LRBA: variants seen among roughly 807,000 people sequenced by gnomAD.
The protein encoded by LRBA is LPS responsive beige-like anchor protein.
A neutral mutation model predicts 330.0 loss-of-function variants in LRBA; 176 were observed. That is an observed-to-expected ratio of 0.53 (90% CI 0.47 to 0.60). The LOEUF (loss-of-function observed/expected upper bound fraction) is 0.60, where lower values mean the gene tolerates loss of function less well. LRBA is among the 20% of genes least tolerant of loss of function. The probability of loss-of-function intolerance (pLI) is 0.00; values close to 1 mark genes in which losing one functional copy is unlikely to be tolerated. For synonymous variants in LRBA, 1,230 were observed against 1,193.0 expected (o/e 1.03, Z -0.64); for missense variants, 3,259 against 3,444.8 (o/e 0.95, Z 1.35).
intron 36 of LRBA, among the ~76,000 whole-genome samples, chr4:150,688,474 A>T (rs889566265): frequency 6.6e-6 from 1 of 152,228 alleles, no homozygotes; most frequent in African/African-American, 2.4e-5. Flanking sequence ...TAAACTAAAG[A>T]GCTCCTACAC....
intron 46 of LRBA, among the ~76,000 whole-genome samples, chr4:150,416,021 C>A (rs1747681413): frequency 6.6e-6 from 1 of 152,164 alleles, no homozygotes; most frequent in African/African-American, 2.4e-5. Flanking sequence ...TTGGTCTCTT[C>A]ATCAACCAGG....
rs193033407 is a variant in LRBA at position 150,972,293 on chromosome 4, A to G, written c.216+42134T>C. Among the ~76,000 whole-genome samples the G allele has an allele frequency of 1.1e-3, 174 of 152,296 alleles. 6 individuals carry two copies. The South Asian group carries it at 0.023, about 20-fold the overall frequency. ...CAGTATTTAAATAGCTTCAACAAAT[A>G]TAAGGGGAGGAGATGTAAAATGATT... On this transcript the variant is annotated intron_variant, in intron 2 of 56. Transcript: ENST00000651943.
At chr4:150,520,192 T>C (rs1164877391) in intron 40 of LRBA, among the ~76,000 whole-genome samples, 1 of 152,176 alleles carries the variant, frequency 6.6e-6, no homozygotes, top group African/African-American at 2.4e-5. Context: ...TGTTCTTCAA[T>C]GGTAAATGGG....
At position 150,916,394 on chromosome 4, in the gene LRBA, C is replaced by G. The variant is rs781406374; in HGVS notation, c.894+7G>C. On this transcript the variant is annotated splice_region_variant and intron_variant, in intron 7 of 56. Transcript: ENST00000651943. Reference sequence around the variant, plus strand: ...TAACATAACTATGACTCAAGAAGATCATGTACCTTTTGTGGCTTGAAATCA... The same window carrying G: ...TAACATAACTATGACTCAAGAAGATGATGTACCTTTTGTGGCTTGAAATCA... The G allele has an allele frequency of 1.7e-5, 27 of 1,612,030 alleles. No homozygotes were observed. The highest frequency in any genetic ancestry group is 2.3e-5 in the Non-Finnish European group (27 of 1,179,318).
At chr4:150,322,741 A>G (rs1355629960) in intron 49 of LRBA, among the ~76,000 whole-genome samples, 2 of 152,220 alleles carry the variant, frequency 1.3e-5, no homozygotes. Flanking sequence ...CTAAAAGCCA[A>G]TCAATATTAT....
At chr4:150,395,000 G>A (rs774912624) in intron 47 of LRBA, among the ~76,000 whole-genome samples, 5 of 152,104 alleles carry the variant, frequency 3.3e-5, no homozygotes, top group Non-Finnish European at 7.4e-5. Context: ...ATAAAAAAGT[G>A]ATAGGGAGAC....
At chr4:150,950,947 ATT>A in intron 2 of LRBA, among the ~76,000 whole-genome samples, 1 of 152,222 alleles carries the variant, frequency 6.6e-6, no homozygotes. Flanking sequence ...CTGTTTTTTA[ATT>A]TATAAGGTGA....
At chr4:150,886,217 T>C (rs994067691) in intron 17 of LRBA, among the ~76,000 whole-genome samples, 1 of 152,196 alleles carries the variant, frequency 6.6e-6, no homozygotes, top group Non-Finnish European at 1.5e-5. Context: ...GAATCATTTT[T>C]TTCCTTTCTC....
At chr4:150,666,224 T>A (rs1353788942) in intron 37 of LRBA, among the ~76,000 whole-genome samples, 1 of 151,918 alleles carries the variant, frequency 6.6e-6, no homozygotes, top group Non-Finnish European at 1.5e-5. Flanking sequence ...AAGAAAACAA[T>A]AAAAAATAGC....
intron 53 of LRBA, among the ~76,000 whole-genome samples, chr4:150,286,406 CCCTCCTT>C (rs913113002): frequency 9.9e-5 from 15 of 152,042 alleles, no homozygotes; most frequent in African/African-American, 3.1e-4. Flanking sequence ...AAGGCCTCGC[CCCTCCTT>C]CCTCCTTCCT....
intron 40 of LRBA, among the ~76,000 whole-genome samples, chr4:150,572,464 C>A (rs1164132508): frequency 6.6e-6 from 1 of 151,902 alleles, no homozygotes; most frequent in Non-Finnish European, 1.5e-5. Flanking sequence ...CCATAATAAC[C>A]CAACTTAATT....
intron 17 of LRBA, among the ~76,000 whole-genome samples, chr4:150,884,589 C>T (rs1449448200): frequency 6.6e-6 from 1 of 151,900 alleles, no homozygotes; most frequent in Non-Finnish European, 1.5e-5. Context: ...CCTAAGAGTG[C>T]TATGGAAAGA....
At chr4:150,378,510 C>T (rs1412480201) in intron 47 of LRBA, among the ~76,000 whole-genome samples, 4 of 152,138 alleles carry the variant, frequency 2.6e-5, no homozygotes, top group Non-Finnish European at 5.9e-5. Context: ...AATGTAAACT[C>T]TCCAGGTCAA....
At chr4:151,002,663 T>C (rs907572527) in intron 2 of LRBA, among the ~76,000 whole-genome samples, 1 of 149,896 alleles carries the variant, frequency 6.7e-6, no homozygotes, top group South Asian at 2.1e-4. Context: ...ATTCAGAATA[T>C]GAATAACAAG....
At chr4:150,271,551 A>T (rs1411500629) in intron 56 of LRBA, among the ~76,000 whole-genome samples, 1 of 116,416 alleles carries the variant, frequency 8.6e-6, no homozygotes, top group Non-Finnish European at 1.7e-5. Context: ...CAGGGAGCCA[A>T]GTGGTCTGGC....
At chr4:150,969,418 G>A (rs759655487) in intron 2 of LRBA, among the ~76,000 whole-genome samples, 14 of 152,150 alleles carry the variant, frequency 9.2e-5, no homozygotes, top group Non-Finnish European at 1.6e-4. Context: ...CAGACCCCAT[G>A]GATGACTTTG....
intron 53 of LRBA, among the ~76,000 whole-genome samples, chr4:150,299,042 A>G (rs1302464326): frequency 6.6e-6 from 1 of 152,090 alleles, no homozygotes; most frequent in Non-Finnish European, 1.5e-5. Context: ...GTCAAAGTTT[A>G]AAGTATTTAT....
At position 150,849,547 on chromosome 4, in the gene LRBA, C is replaced by G. The variant is rs745514451; in HGVS notation, c.4033G>C (p.Val1345Leu). ...AAGATGACATTATCACTGCTATTCA[C>G]GAAGTCCATAACTGTCTTTGTTGAA... ...SHSTKTVMDF[V>L]NSSDNVIFVH... The change falls in exon 25 of 57, where the codon GTG becomes CTG. Residue 1345 changes from valine to leucine, a missense_variant. Val to Leu is a conservative substitution (Grantham distance 32, BLOSUM62 1). Coordinates refer to ENST00000651943, the MANE Select transcript of LRBA (RefSeq NM_001364905.1). The G allele has an allele frequency of 1.2e-6, 2 of 1,612,620 alleles. No individual in the cohort carries two copies. The highest frequency in any genetic ancestry group is 1.7e-5 in the Admixed American group (1 of 59,984).
At chr4:150,753,246 T>C (rs959700044) in intron 35 of LRBA, among the ~76,000 whole-genome samples, 2 of 152,222 alleles carry the variant, frequency 1.3e-5, no homozygotes, top group African/African-American at 4.8e-5. Flanking sequence ...TTCTTTATTG[T>C]CTAACTTTAC....
Sources: gnomAD v4.1 joint callset for allele counts (sites outside exome capture counted in the v4.1 genomes callset) on GRCh38, gnomAD v4.1.1 for gene constraint, MANE v1.5 for transcripts, NCBI Gene and HGNC (gene_info 2026-07-23, HGNC 2026-07-21) for gene names.